The following LUZP2 variants were observed in gnomAD, a reference collection of about 807,000 sequenced individuals.
The protein encoded by LUZP2 is leucine zipper protein 2.
In LUZP2, 52 loss-of-function variants were observed where a neutral mutation model predicts 51.6. The ratio of observed to expected loss-of-function variants is 1.01; its 90% confidence interval spans 0.81 to 1.27. LUZP2 has a LOEUF of 1.27. LUZP2 is among the 50% of genes most tolerant of loss of function. The pLI is 0.00. For synonymous variants in LUZP2, 154 were observed against 137.3 expected, an observed-to-expected ratio of 1.12 and a Z score of -0.85; for missense variants, 436 against 395.4, an observed-to-expected ratio of 1.10 and a Z score of -0.87.
At chr11:24,681,770 T>C (rs1195333795) in intron 1 of LUZP2, among the ~76,000 whole-genome samples, 2 of 152,316 alleles carry the variant, frequency 1.3e-5, no homozygotes, top group Non-Finnish European at 2.9e-5. Flanking sequence ...TTTTCTCTCT[T>C]CAAAATTCAA....
chr11:24,605,421 A>T (rs558111594), intron 1 of LUZP2, among the ~76,000 whole-genome samples: 1 of 151,764 alleles, frequency 6.6e-6, no homozygotes, highest in African/African-American at 2.4e-5. Context: ...GAGCTCTTTA[A>T]AAACAAAACA....
At chr11:24,803,510 C>G (rs2134120705) in intron 5 of LUZP2, among the ~76,000 whole-genome samples, 1 of 151,004 alleles carries the variant, frequency 6.6e-6, no homozygotes, top group South Asian at 2.1e-4. Context: ...AGCAGAGTCT[C>G]AAAAAGATAT....
chr11:24,769,461 C>T (rs913370735), intron 5 of LUZP2, among the ~76,000 whole-genome samples: 1 of 152,154 alleles, frequency 6.6e-6, no homozygotes, highest in African/African-American at 2.4e-5. Flanking sequence ...TTGATAATTA[C>T]ACAATCTATA....
intron 1 of LUZP2, among the ~76,000 whole-genome samples, chr11:24,612,700 G>A (rs1183985527): frequency 6.6e-6 from 1 of 152,072 alleles, no homozygotes; most frequent in East Asian, 1.9e-4. Context: ...TGGGTATAAA[G>A]TGGATAATAA....
At position 24,879,488 on chromosome 11, in the gene LUZP2, C is replaced by T. The variant is rs553535485; in HGVS notation, c.397-26503C>T. Reference sequence around the variant, plus strand: ...TTCTGGTTCTGGATCCTTGAGGAATCGCCACATTGAATTCCACAATAGTTG... The same window carrying T: ...TTCTGGTTCTGGATCCTTGAGGAATTGCCACATTGAATTCCACAATAGTTG... On this transcript the variant is annotated intron_variant, in intron 5 of 11. Transcript: ENST00000336930. 1.8e-4 allele frequency among the ~76,000 whole-genome samples: 28 copies of T among 152,206 alleles called. No homozygotes were observed. In the East Asian group the frequency reaches 4.1e-3, roughly 22 times the overall value.
At chr11:24,943,741 C>T (rs775222864) in intron 7 of LUZP2, among the ~76,000 whole-genome samples, 10 of 151,374 alleles carry the variant, frequency 6.6e-5, no homozygotes, top group South Asian at 2.1e-4. Context: ...AGTTGGGTGT[C>T]GTGGTGCATG....
At position 24,747,860 on chromosome 11, in the gene LUZP2, C is replaced by T. The variant is rs182325492; in HGVS notation, c.333+9558C>T. Among the ~76,000 whole-genome samples, 14 of 152,186 alleles carry T rather than the reference C, an allele frequency of 9.2e-5. No homozygotes were observed. The East Asian group carries it at 1.2e-3, about 13-fold the overall frequency. ...GAGAAAAGCCAGTAGTCACAGGCCTCGCCCAGCTTCCACGCAATCTGAAGG... is the reference window on the plus strand; with the variant it reads ...GAGAAAAGCCAGTAGTCACAGGCCTTGCCCAGCTTCCACGCAATCTGAAGG... On this transcript the variant is annotated intron_variant, in intron 4 of 11. Coordinates refer to ENST00000336930, the MANE Select transcript of LUZP2 (RefSeq NM_001009909.4).
intron 1 of LUZP2, among the ~76,000 whole-genome samples, chr11:24,620,949 A>G (rs1247806105): frequency 1.3e-5 from 2 of 152,180 alleles, no homozygotes; most frequent in African/African-American, 4.8e-5. Context: ...AGCCTTCTAC[A>G]TGTTGATCCT....
intron 9 of LUZP2, among the ~76,000 whole-genome samples, chr11:25,002,906 G>A (rs1856729650): frequency 6.6e-6 from 1 of 152,024 alleles, no homozygotes; most frequent in Non-Finnish European, 1.5e-5. Context: ...CAGGAGCCTG[G>A]CTACCTTGCT....
intron 1 of LUZP2, among the ~76,000 whole-genome samples, chr11:24,601,760 T>C (rs1165706312): frequency 2.0e-5 from 3 of 150,832 alleles, no homozygotes; most frequent in Admixed American, 6.6e-5. Context: ...CAGAATCTCT[T>C]AGAATTTCTG....
chr11:24,657,776 C>T (rs112216718), intron 1 of LUZP2, among the ~76,000 whole-genome samples: 1 of 152,138 alleles, frequency 6.6e-6, no homozygotes, highest in Non-Finnish European at 1.5e-5. Flanking sequence ...CATTCTTATA[C>T]ACCATTAACA....
At chr11:24,591,960 C>G (rs1195120109) in intron 1 of LUZP2, among the ~76,000 whole-genome samples, 1 of 152,132 alleles carries the variant, frequency 6.6e-6, no homozygotes, top group Non-Finnish European at 1.5e-5. Flanking sequence ...TACAGTCCAT[C>G]TCAGCGAAGG....
chr11:24,757,830 A>T (rs1219047170), intron 4 of LUZP2, among the ~76,000 whole-genome samples: 1 of 152,026 alleles, frequency 6.6e-6, no homozygotes, highest in African/African-American at 2.4e-5. Context: ...TGTAAACAAA[A>T]GTCCTAGGTC....
intron 5 of LUZP2, among the ~76,000 whole-genome samples, chr11:24,812,578 C>A (rs1410632500): frequency 1.3e-5 from 2 of 151,996 alleles, no homozygotes; most frequent in Non-Finnish European, 2.9e-5. Context: ...TTAGCACATG[C>A]CATAATGTAA....
At chr11:24,937,047 AACACACACACAC>A (rs138164177) in intron 7 of LUZP2, among the ~76,000 whole-genome samples, 23 of 149,690 alleles carry the variant, frequency 1.5e-4, no homozygotes, top group Admixed American at 1.3e-3. Flanking sequence ...TGCAATGAGA[AACACACACACAC>A]ACACACACAC....
intron 5 of LUZP2, among the ~76,000 whole-genome samples, chr11:24,867,018 A>G (rs1590661554): frequency 2.0e-5 from 3 of 152,284 alleles, no homozygotes; most frequent in Middle Eastern, 3.4e-3. Context: ...CACTGATAAA[A>G]GCTGAGTAAT....
chr11:24,522,907 A>G (rs1850687887), intron 1 of LUZP2, among the ~76,000 whole-genome samples: 1 of 152,070 alleles, frequency 6.6e-6, no homozygotes, highest in African/African-American at 2.4e-5. Context: ...CATTCAGAAA[A>G]ATACTGTTCT....
At chr11:24,573,637 A>T (rs1449921294) in intron 1 of LUZP2, among the ~76,000 whole-genome samples, 2 of 151,860 alleles carry the variant, frequency 1.3e-5, no homozygotes. Flanking sequence ...CTCTGTTAGG[A>T]TTAGGAATTT....
At chr11:24,945,606 A>G (rs559452499) in intron 7 of LUZP2, among the ~76,000 whole-genome samples, 1 of 150,670 alleles carries the variant, frequency 6.6e-6, no homozygotes, top group African/African-American at 2.4e-5. Context: ...CAACCTCCTT[A>G]GTATAGCTTA....
Sources: allele counts gnomAD v4.1 joint callset (sites outside exome capture counted in the v4.1 genomes callset), GRCh38; gene constraint gnomAD v4.1.1; transcripts MANE v1.5; gene names NCBI Gene and HGNC (gene_info 2026-07-23, HGNC 2026-07-21).